PCDHA1: variants seen among roughly 807,000 people sequenced by gnomAD.
PCDHA1 encodes the protein protocadherin alpha 1, also known as protocadherin alpha-1.
Under a neutral mutation model 61.3 loss-of-function variants are expected in PCDHA1, and 42 were observed. That is an observed-to-expected ratio of 0.69 (90% CI 0.54 to 0.89). The LOEUF (loss-of-function observed/expected upper bound fraction) is 0.89. Among genes scored for constraint, PCDHA1 ranks in the 40% least tolerant of loss-of-function variants. The probability of loss-of-function intolerance (pLI) is 0.00; values close to 1 mark genes in which losing one functional copy is unlikely to be tolerated. For synonymous variants in PCDHA1, 610 were observed against 553.8 expected, an observed-to-expected ratio of 1.10 and a Z score of -1.43; for missense variants, 1,256 against 1,235.3, an observed-to-expected ratio of 1.02 and a Z score of -0.25.
intron 1 of PCDHA1, chr5:140,823,318 A>G (rs145418999): frequency 1.8e-5 from 29 of 1,611,994 alleles, no homozygotes; most frequent in Non-Finnish European, 2.4e-5. Context: ...GGAGAGCGGC[A>G]AGGTGTACGC....
intron 1 of PCDHA1, among the ~76,000 whole-genome samples, chr5:140,921,646 G>T (rs957810883): frequency 6.6e-6 from 1 of 152,124 alleles, no homozygotes; most frequent in Admixed American, 6.5e-5. Context: ...GCTATTTTAA[G>T]GGAACTTAAT....
intron 1 of PCDHA1, chr5:140,868,630 T>G (rs1440809892): frequency 6.5e-6 from 1 of 154,578 alleles, no homozygotes; most frequent in Non-Finnish European, 1.4e-5. Context: ...CTGAATTCTC[T>G]TTCTCTCTCA....
At chr5:140,829,908 G>A in intron 1 of PCDHA1, 1 of 1,614,014 alleles carries the variant, frequency 6.2e-7, no homozygotes, top group Non-Finnish European at 8.5e-7. Flanking sequence ...TACAACGCGT[G>A]GCTTTCGTAT....
chr5:140,965,305 A>G (rs2095888625), intron 1 of PCDHA1, among the ~76,000 whole-genome samples: 2 of 152,136 alleles, frequency 1.3e-5, no homozygotes, highest in African/African-American at 4.8e-5. Context: ...TGATCCTTCT[A>G]CCTTCTCTTT....
chr5:140,802,661 C>G (rs782509010), intron 1 of PCDHA1: 28 of 1,613,536 alleles, frequency 1.7e-5, no homozygotes, highest in African/African-American at 1.1e-4. Context: ...AGGAGAACGC[C>G]CTGGTGTCCT....
At chr5:140,871,703 A>G (rs1202166124) in intron 1 of PCDHA1, 9 of 879,148 alleles carry the variant, frequency 1.0e-5, no homozygotes, top group African/African-American at 1.7e-5. Context: ...TTTAACCAAT[A>G]AATGTCCTAT....
chr5:140,843,962 A>G (rs1554140497), intron 1 of PCDHA1, among the ~76,000 whole-genome samples: 1 of 149,518 alleles, frequency 6.7e-6, no homozygotes, highest in Non-Finnish European at 1.5e-5. Context: ...TTTACTGAAT[A>G]TTTATTTTGG....
chr5:140,803,224 C>T, intron 1 of PCDHA1: 1 of 1,613,848 alleles, frequency 6.2e-7, no homozygotes, highest in Non-Finnish European at 8.5e-7. Context: ...GGCCAGGCAC[C>T]CAAGGCCTCG....
chr5:140,874,676 G>A (rs1487161384), intron 1 of PCDHA1, among the ~76,000 whole-genome samples: 4 of 152,136 alleles, frequency 2.6e-5, no homozygotes, highest in African/African-American at 9.7e-5. Context: ...CTATTCCTGA[G>A]ATTTGTTTTA....
intron 1 of PCDHA1, chr5:140,882,004 C>CA (rs1296948506): frequency 1.0e-5 from 5 of 496,760 alleles, no homozygotes; most frequent in Non-Finnish European, 1.7e-5. Flanking sequence ...ATGCAAGGGG[C>CA]AAAAAAATAC....
intron 1 of PCDHA1, among the ~76,000 whole-genome samples, chr5:140,936,136 G>A (rs1393112473): frequency 2.0e-5 from 3 of 152,184 alleles, no homozygotes; most frequent in Admixed American, 1.3e-4. Context: ...TAAGTGATCT[G>A]CCCGCCTTGG....
chr5:140,809,630 T>C, intron 1 of PCDHA1: 1 of 1,506,410 alleles, frequency 6.6e-7, no homozygotes, highest in Non-Finnish European at 8.9e-7. Context: ...ATCAACTTCT[T>C]CGTAAATTTA....
rs190430510 is a variant in PCDHA1, at chr5:140,858,745, C to G, written c.2394+70061C>G. ...TTCTGACGATTTACTTTCATAATCACTTTTCGTTACAAATATTTGTGAGAT... is the reference window on the plus strand; with the variant it reads ...TTCTGACGATTTACTTTCATAATCAGTTTTCGTTACAAATATTTGTGAGAT... On this transcript the variant is annotated intron_variant, in intron 1 of 3. Coordinates refer to ENST00000504120, the MANE Select transcript of PCDHA1 (RefSeq NM_018900.4). 215 of 461,666 alleles carry G rather than the reference C, an allele frequency of 4.7e-4. 2 individuals are homozygous for G. In the East Asian group the frequency reaches 5.3e-3, roughly 11 times the overall value. The allele number at this position is 461,666 out of a possible 1,614,324, so 28.6% of individuals were successfully genotyped here.
chr5:140,824,014 T>G, intron 1 of PCDHA1: 1 of 1,614,050 alleles, frequency 6.2e-7, no homozygotes, highest in Non-Finnish European at 8.5e-7. Context: ...GGTGGGGAGC[T>G]GGTCGTACTC....
At chr5:140,984,905 C>G (rs1214020745) in intron 3 of PCDHA1, among the ~76,000 whole-genome samples, 1 of 152,004 alleles carries the variant, frequency 6.6e-6, no homozygotes, top group African/African-American at 2.4e-5. Context: ...AAAAAAAGAA[C>G]TGAGCATAGT....
intron 1 of PCDHA1, among the ~76,000 whole-genome samples, chr5:140,878,370 T>C (rs1049956194): frequency 6.6e-6 from 1 of 152,272 alleles, no homozygotes; most frequent in African/African-American, 2.4e-5. Context: ...GTCTGACATA[T>C]GATGAATGAT....
intron 1 of PCDHA1, chr5:140,882,538 C>A: frequency 6.2e-7 from 1 of 1,614,170 alleles, no homozygotes; most frequent in Non-Finnish European, 8.5e-7. Context: ...ATTCTCGGAT[C>A]GACCGCGAGG....
In PCDHA1 at chr5:141,010,283, C is replaced by T. The variant is rs1554262872; in HGVS notation, c.*346C>T. ...TGCTCCGGGGATCCTGTCTTGATGACACTTGCAGGGCAGGCTGAAAAGTTT... is the reference window on the plus strand; with the variant it reads ...TGCTCCGGGGATCCTGTCTTGATGATACTTGCAGGGCAGGCTGAAAAGTTT... On this transcript the variant is annotated 3_prime_UTR_variant, in exon 4 of 4. Transcript: ENST00000504120. 6.4e-7 allele frequency: 1 copy of T among 1,551,220 alleles called. No individual in the cohort carries two copies. The highest frequency in any genetic ancestry group is 1.4e-5 in the African/African-American group (1 of 73,110).
intron 1 of PCDHA1, chr5:140,929,103 G>A: frequency 6.2e-7 from 1 of 1,614,180 alleles, no homozygotes; most frequent in African/African-American, 1.3e-5. Flanking sequence ...ATCCTTGCAT[G>A]ACATCAGCCA....
Sources: allele counts gnomAD v4.1 joint callset (sites outside exome capture counted in the v4.1 genomes callset), GRCh38; gene constraint gnomAD v4.1.1; transcripts MANE v1.5; gene names NCBI Gene and HGNC (gene_info 2026-07-23, HGNC 2026-07-21).